SLX4: variants seen among roughly 807,000 people sequenced by gnomAD.
SLX4 encodes structure-specific endonuclease subunit SLX4.
Under a neutral mutation model 146.2 loss-of-function variants are expected in SLX4, and 112 were observed. That is an observed-to-expected ratio of 0.77 (90% CI 0.66 to 0.90). The LOEUF (loss-of-function observed/expected upper bound fraction) is 0.90. Ranked by LOEUF, SLX4 falls within the 40% of genes least tolerant of loss-of-function variation. SLX4 has a pLI of 0.00. For missense variants in SLX4, 2,563 were observed against 2,392.7 expected (o/e 1.07, Z -1.49); for synonymous variants, 1,061 against 997.7 (o/e 1.06, Z -1.20).
At position 3,597,424 on chromosome 16, in the gene SLX4, G is replaced by A. The variant is rs748407493; in HGVS notation, c.1638C>T (p.Tyr546=). 6.2e-7 allele frequency: 1 copy of A among 1,606,528 alleles called. No homozygotes were observed. The highest frequency in any genetic ancestry group is 2.2e-5 in the East Asian group (1 of 44,686). The change falls in exon 7 of 15, where the codon TAC becomes TAT. Residue 546 remains tyrosine (Y), a synonymous_variant. Transcript: ENST00000294008. The surrounding 1 kb of genome is among the most constrained non-coding windows in gnomAD (Gnocchi z 4.4). Reference sequence around the variant, plus strand: ...CGAGAGGAGGGACCAGCCTGGCCGTGTAGAAGTCCTCCATGGCCCAGGCCC... The same window carrying A: ...CGAGAGGAGGGACCAGCCTGGCCGTATAGAAGTCCTCCATGGCCCAGGCCC... ...LTGAWAMEDF[Y]TARLVPPLVP... is the part of the protein sequence containing the mutation.
chr16:3,605,293 G>C (rs1877215244), intron 3 of SLX4, among the ~76,000 whole-genome samples: 1 of 152,066 alleles, frequency 6.6e-6, no homozygotes, highest in Non-Finnish European at 1.5e-5. Context: ...GTTTCACTGT[G>C]TTAGCCAGGA....
chr16:3,587,841 G>C (rs995148098), intron 12 of SLX4, among the ~76,000 whole-genome samples: 1 of 152,156 alleles, frequency 6.6e-6, no homozygotes, highest in Non-Finnish European at 1.5e-5. Flanking sequence ...CCCCCAGGCC[G>C]CAGGCAGGTG....
At chr16:3,611,093 G>A (rs541845077) in intron 1 of SLX4, among the ~76,000 whole-genome samples, 13 of 152,370 alleles carry the variant, frequency 8.5e-5, no homozygotes, top group Admixed American at 2.6e-4. Context: ...GGTTTCCAGA[G>A]GGAAGGGGAC....
In SLX4 at chr16:3,608,872, A is replaced by G. The variant is rs751602499; in HGVS notation, c.93T>C (p.Ser31=). The part of the protein sequence containing the change: ...SACPGIDPRS[S]EDQPESLKTG... ...TTTTAAGGCTTTCAGGCTGGTCTTCAGAGGAGCGAGGGTCAATCCCAGGAC... is the reference window on the plus strand; with the variant it reads ...TTTTAAGGCTTTCAGGCTGGTCTTCGGAGGAGCGAGGGTCAATCCCAGGAC... Residue 31 remains serine (S), a synonymous_variant, in exon 2 of 15, where the codon TCT becomes TCC. Coordinates refer to ENST00000294008, the MANE Select transcript of SLX4 (RefSeq NM_032444.4). 6 of 1,614,190 alleles carry G rather than the reference A, an allele frequency of 3.7e-6. No individual in the cohort carries two copies. Among genetic ancestry groups the G allele is most frequent in the Non-Finnish European group, 3.4e-6 (4 of 1,180,040 alleles).
intron 11 of SLX4, 66 bp from the exon 12 acceptor site, chr16:3,591,376 G>C: frequency 6.3e-7 from 1 of 1,595,678 alleles, no homozygotes; most frequent in Non-Finnish European, 8.5e-7. Context: ...TGCCCCGGTG[G>C]GGTGGCGGAC....
rs963350792 is a variant in SLX4 at position 3,590,020 on chromosome 16, G to T, written c.3618C>A (p.Ser1206Arg). The change falls in exon 12 of 15, where the codon AGC becomes AGA. Residue 1206 changes from serine to arginine, a missense_variant. Ser to Arg is a moderately radical substitution (Grantham distance 110). Coordinates refer to ENST00000294008, the MANE Select transcript of SLX4 (RefSeq NM_032444.4). The surrounding 1 kb of genome is among the most constrained non-coding windows in gnomAD (Gnocchi z 4.8). ...GCAGCACAGCTTCGCTTCTTGGTGG[G>T]CTCTGGGAAGGTTCCTGATCTGCAT... ...DVDADQEPSQ[S>R]PPRSEAVLQQ... is the part of the protein sequence containing the mutation. 4 of 1,614,114 alleles carry T rather than the reference G, an allele frequency of 2.5e-6. No individual in the cohort carries two copies. The highest frequency in any genetic ancestry group is 3.4e-6 in the Non-Finnish European group (4 of 1,180,034).
chr16:3,595,741 TCCA>T lies in SLX4; in HGVS notation c.1925-51_1925-49del, dbSNP rs746902518. 253 of 1,599,842 alleles carry T rather than the reference TCCA, an allele frequency of 1.6e-4. 2 individuals are homozygous for T. The Middle Eastern group carries it at 2.5e-3, about 16-fold the overall frequency. ...AAAGGAACGTCACAGCCCAGCCACA[TCCA>T]CCACCAAGAAGACAGCGTTGACCAC... On this transcript the variant is annotated intron_variant, in intron 8 of 14. Transcript: ENST00000294008.
At chr16:3,605,241 C>G (rs924528398) in intron 3 of SLX4, among the ~76,000 whole-genome samples, 1 of 152,138 alleles carries the variant, frequency 6.6e-6, no homozygotes, top group Non-Finnish European at 1.5e-5. Flanking sequence ...AGGCACCCAC[C>G]ACCATACCTT....
chr16:3,587,041 CT>C (rs1283251980), intron 12 of SLX4, among the ~76,000 whole-genome samples: 1 of 152,078 alleles, frequency 6.6e-6, no homozygotes, highest in East Asian at 1.9e-4. Context: ...AGGTGAGAGA[CT>C]GCTCATGGGT....
chr16:3,601,771 C>G, intron 4 of SLX4: 1 of 347,166 alleles, frequency 2.9e-6, no homozygotes, highest in South Asian at 2.7e-5. Flanking sequence ...TCCATCCAGA[C>G]AGAATGTTGA....
Position 3,591,042 on chromosome 16 carries a change from G to A in SLX4, c.2596C>T (p.Gln866Ter). The A allele has an allele frequency of 6.2e-7, 1 of 1,614,152 alleles. No individual in the cohort carries two copies. The highest frequency in any genetic ancestry group is 1.3e-5 in the African/African-American group (1 of 75,052). Residue 866 changes from glutamine (Q) to a stop codon, truncating the protein, a stop_gained, in exon 12 of 15, where the codon CAG becomes TAG. Transcript: ENST00000294008. LOFTEE classifies it high-confidence loss of function. ...EFAATQRKLL[Q>*]EERAAGAGED... ...CCGGCACCCGCTGCCCTTTCTTCCT[G>A]GAGAAGCTTTCGCTGAGTAGCTGCA...
At chr16:3,595,076 A>T (rs1222884258) in intron 9 of SLX4, among the ~76,000 whole-genome samples, 1 of 152,180 alleles carries the variant, frequency 6.6e-6, no homozygotes, top group Non-Finnish European at 1.5e-5. Context: ...GTTGACACTG[A>T]CATGCAAATG....
rs2151127319 is a variant in SLX4 at position 3,592,858 on chromosome 16, T to C, written c.2168A>G (p.Asn723Ser). Residue 723 changes from asparagine (N) to serine (S), a missense_variant, in exon 11 of 15, where the codon AAT becomes AGT. Asn to Ser is a conservative substitution (Grantham distance 46). Transcript: ENST00000294008. ...RCPLLIQYVN[N>S]EGFSAVEDGV... ...GTCCTCTACAGCGGAGAAGCCTTCA[T>C]TGTTCACCTGCAGGTGAAATGCAAC... is the stretch of plus-strand genomic sequence containing the variant. 6.2e-7 allele frequency: 1 copy of C among 1,610,182 alleles called. No individual in the cohort carries two copies. Among genetic ancestry groups the C allele is most frequent in the Non-Finnish European group, 8.5e-7 (1 of 1,178,502 alleles).
intron 4 of SLX4, 130 bp from the exon 5 acceptor site, chr16:3,601,321 G>C (rs761867734): frequency 1.9e-4 from 166 of 883,748 alleles, no homozygotes; most frequent in Non-Finnish European, 2.6e-4. Flanking sequence ...CCTCTACACA[G>C]CCTGGCTCCG....
Position 3,608,630 on chromosome 16 carries a change from G to A in SLX4, c.335C>T (p.Pro112Leu), listed in dbSNP as rs1333549121. ...AGTCCTAGGGGCCTGGCTGCCAGAC[G>A]GAGGTTTCTTCTCTGCAGGGCCTTG... Reference protein sequence around the residue: ...TLQGPAEKKPPSGSQAPRTKK... With the variant: ...TLQGPAEKKPLSGSQAPRTKK... The change falls in exon 2 of 15, where the codon CCG (proline) becomes CTG (leucine). Residue 112 changes from proline (P) to leucine (L), a missense_variant. Coordinates refer to ENST00000294008, the MANE Select transcript of SLX4 (RefSeq NM_032444.4). 1.7e-5 allele frequency: 28 copies of A among 1,614,066 alleles called. No individual in the cohort carries two copies. The highest frequency in any genetic ancestry group is 2.2e-5 in the South Asian group (2 of 91,082).
intron 2 of SLX4, 40 bp downstream of exon 2, chr16:3,608,389 AG>A: frequency 6.2e-7 from 1 of 1,611,088 alleles, no homozygotes; most frequent in Non-Finnish European, 8.5e-7. Flanking sequence ...GGCCCTTTCC[AG>A]GAAGTTTTCC....
At position 3,609,323 on chromosome 16, in the gene SLX4, G is replaced by C. The variant is rs57910835; in HGVS notation, c.-359C>G. 0.079 allele frequency: 20,147 copies of C among 254,302 alleles called. 978 individuals carry two copies. The highest frequency in any genetic ancestry group is 0.14 in the African/African-American group (6,490 of 44,804). The allele number at this position is 254,302 out of a possible 1,614,324, so 15.8% of individuals were successfully genotyped here. On this transcript the variant is annotated 5_prime_UTR_variant, in exon 2 of 15. Coordinates refer to ENST00000294008, the MANE Select transcript of SLX4 (RefSeq NM_032444.4). The stretch of plus-strand genomic sequence containing the variant: ...CTCGGGAGGCAGAGGCAAGAGAATC[G>C]CTTGAACCTGGGAGGCGGAGATTGC...
intron 8 of SLX4, 139 bp from the exon 9 acceptor site, chr16:3,595,832 A>G (rs2151129512): frequency 3.9e-6 from 4 of 1,028,230 alleles, no homozygotes; most frequent in Middle Eastern, 4.0e-4. Flanking sequence ...CCTTCATGCA[A>G]AGCAAACCCG....
At chr16:3,601,212 C>A (rs983997425) in intron 4 of SLX4, 21 bp from the exon 5 acceptor site, 2 of 1,612,606 alleles carry the variant, frequency 1.2e-6, no homozygotes, top group Non-Finnish European at 1.7e-6. Flanking sequence ...ACAGTCAATA[C>A]AGGAGAACCA....
Sources: allele counts gnomAD v4.1 joint callset (sites outside exome capture counted in the v4.1 genomes callset), GRCh38; gene constraint gnomAD v4.1.1; non-coding constraint Gnocchi (gnomAD v3.1); transcripts MANE v1.5; gene names NCBI Gene and HGNC (gene_info 2026-07-23, HGNC 2026-07-21).